Variants in NT5C1A observed in about 807,000 individuals in gnomAD.
The protein encoded by NT5C1A is cytosolic 5'-nucleotidase 1A.
Under a neutral mutation model 31.0 loss-of-function variants are expected in NT5C1A, and 18 were observed. That is an observed-to-expected ratio of 0.58 (90% CI 0.40 to 0.86). The LOEUF is 0.86. Ranked by LOEUF, NT5C1A falls within the 40% of genes least tolerant of loss-of-function variation. The pLI is 0.00. For synonymous variants in NT5C1A, 185 were observed against 203.6 expected (o/e 0.91, Z 0.78); for missense variants, 470 against 505.4 (o/e 0.93, Z 0.67).
At chr1:39,668,748 C>A (rs1358543166) in intron 1 of NT5C1A, among the ~76,000 whole-genome samples, 1 of 152,214 alleles carries the variant, frequency 6.6e-6, no homozygotes, top group Non-Finnish European at 1.5e-5. Context: ...TCAGGGCGTG[C>A]CCACAAACTG....
rs761662730 is a variant in NT5C1A, at chr1:39,659,266, A to ATCTTC, written c.957_961dup (p.Ile321ArgfsTer52). 15 of 1,614,032 alleles carry ATCTTC rather than the reference A, an allele frequency of 9.3e-6. No individual in the cohort carries two copies. The highest frequency in any genetic ancestry group is 1.0e-5 in the Non-Finnish European group (12 of 1,180,054). ...GTCATCAAAGAAGATGTGTGGGCGG[A>ATCTTC]TCTTCTCAAGGAGAGGGCCCTTGGG... On this transcript the variant is annotated frameshift_variant, in exon 6 of 6. Transcript: ENST00000235628. LOFTEE classifies it high-confidence loss of function.
intron 1 of NT5C1A, among the ~76,000 whole-genome samples, chr1:39,669,291 G>A (rs755847183): frequency 2.0e-5 from 3 of 151,890 alleles, no homozygotes; most frequent in Admixed American, 6.6e-5. Context: ...TTAGGCTAAC[G>A]TAATTCTGCC....
At position 39,663,426 on chromosome 1, in the gene NT5C1A, T is replaced by A; in HGVS notation, c.442A>T (p.Ile148Phe). The stretch of plus-strand genomic sequence containing the variant: ...CCACCTGTCATGCAGAACCTCTCGA[T>A]GAACAGGTCTGGGAAGGAGGTAAAG... ...INSINHYDLFIERFCMTGGNS... is the reference protein window; with the variant it reads ...INSINHYDLFFERFCMTGGNS... Residue 148 changes from isoleucine to phenylalanine, a missense_variant, in exon 4 of 6, where the codon ATC (isoleucine) becomes TTC (phenylalanine). Physicochemically the swap from Ile to Phe is conservative, Grantham distance 21 (BLOSUM62 0). Coordinates refer to ENST00000235628, the MANE Select transcript of NT5C1A (RefSeq NM_032526.3). 1 of 1,614,102 alleles carries A rather than the reference T, an allele frequency of 6.2e-7. No individual in the cohort carries two copies. Among genetic ancestry groups the A allele is most frequent in the Admixed American group, 1.7e-5 (1 of 60,012 alleles).
At chr1:39,660,689 G>T (rs933156124) in intron 5 of NT5C1A, among the ~76,000 whole-genome samples, 1 of 152,112 alleles carries the variant, frequency 6.6e-6, no homozygotes, top group African/African-American at 2.4e-5. Flanking sequence ...GAGAATGGGA[G>T]CTTCAGAGAG....
chr1:39,659,909 G>T (rs1390291909), intron 5 of NT5C1A, among the ~76,000 whole-genome samples: 1 of 152,206 alleles, frequency 6.6e-6, no homozygotes, highest in Non-Finnish European at 1.5e-5. Flanking sequence ...CAATGTGTAA[G>T]TGTTGAGTAT....
chr1:39,659,114 G>C lies in NT5C1A; in HGVS notation c.*7C>G, dbSNP rs1646476931. On this transcript the variant is annotated 3_prime_UTR_variant, in exon 6 of 6. Transcript: ENST00000235628. ...AGCAATGTGGATCAGTAAAGCCGGTGGTTCAGCTACTGTGCAGATGGGGCC... is the reference window on the plus strand; with the variant it reads ...AGCAATGTGGATCAGTAAAGCCGGTCGTTCAGCTACTGTGCAGATGGGGCC... The C allele has an allele frequency of 6.3e-7, 1 of 1,579,202 alleles. No homozygotes were observed. Among genetic ancestry groups the C allele is most frequent in the South Asian group, 1.2e-5 (1 of 86,872 alleles).
chr1:39,664,010 G>A (rs1187347749), intron 3 of NT5C1A, among the ~76,000 whole-genome samples: 1 of 152,148 alleles, frequency 6.6e-6, no homozygotes, highest in Non-Finnish European at 1.5e-5. Context: ...CAGTGTGTAT[G>A]TCACACAGGT....
intron 3 of NT5C1A, among the ~76,000 whole-genome samples, chr1:39,664,398 G>C (rs1442304481): frequency 6.9e-6 from 1 of 144,858 alleles, no homozygotes; most frequent in Non-Finnish European, 1.5e-5. Flanking sequence ...CCCCCGCCTC[G>C]GCCTCCCAAA....
chr1:39,667,535 G>A (rs1042377047), intron 1 of NT5C1A, among the ~76,000 whole-genome samples: 9 of 152,124 alleles, frequency 5.9e-5, no homozygotes, highest in Admixed American at 5.9e-4. Flanking sequence ...GCTCATAAAT[G>A]CACCTTGCAT....
chr1:39,668,299 G>A (rs1047435676), intron 1 of NT5C1A, among the ~76,000 whole-genome samples: 3 of 152,122 alleles, frequency 2.0e-5, no homozygotes, highest in Non-Finnish European at 4.4e-5. Flanking sequence ...TGCCCTCCCA[G>A]CCCCATTAGG....
intron 2 of NT5C1A, among the ~76,000 whole-genome samples, 189 bp downstream of exon 2, chr1:39,665,880 G>A (rs1646518982): frequency 6.6e-6 from 1 of 152,224 alleles, no homozygotes; most frequent in African/African-American, 2.4e-5. Context: ...ACCAGGCGTG[G>A]GGCTGCATTT....
At position 39,651,744 on chromosome 1, in the gene NT5C1A, C is replaced by T. The variant is rs1281648956; in HGVS notation, c.*7377G>A. 6.6e-6 allele frequency among the ~76,000 whole-genome samples: 1 copy of T among 151,968 alleles called. No individual in the cohort carries two copies. The highest frequency in any genetic ancestry group is 2.4e-5 in the African/African-American group (1 of 41,376). On this transcript the variant is annotated 3_prime_UTR_variant, in exon 6 of 6. Transcript: ENST00000235628. Reference sequence around the variant, plus strand: ...GCGCTATTACATTAATAAAGAAGTTCGTAGGCCGAGTGTGGTGGCTCACGC... The same window carrying T: ...GCGCTATTACATTAATAAAGAAGTTTGTAGGCCGAGTGTGGTGGCTCACGC...
At chr1:39,668,879 G>T (rs1646536556) in intron 1 of NT5C1A, among the ~76,000 whole-genome samples, 2 of 152,202 alleles carry the variant, frequency 1.3e-5, no homozygotes, top group Admixed American at 1.3e-4. Context: ...GATCCCAGAG[G>T]CCATGGCTGT....
intron 2 of NT5C1A, 72 bp downstream of exon 2, chr1:39,665,997 T>C (rs948555864): frequency 1.3e-5 from 19 of 1,424,484 alleles, no homozygotes; most frequent in African/African-American, 4.2e-5. Context: ...CTTACTCAAA[T>C]ACTCATGGGA....
chr1:39,663,836 C>T (rs1394520479), intron 3 of NT5C1A, among the ~76,000 whole-genome samples: 2 of 152,190 alleles, frequency 1.3e-5, no homozygotes, highest in African/African-American at 4.8e-5. Context: ...GGTTGATAAA[C>T]GGCTGCTGCT....
chr1:39,666,508 C>A (rs1256646876), intron 1 of NT5C1A, among the ~76,000 whole-genome samples: 1 of 152,170 alleles, frequency 6.6e-6, no homozygotes, highest in Admixed American at 6.5e-5. Context: ...TCTAGCCAGG[C>A]ATCTGGACAC....
rs1010610345 is a variant in NT5C1A, at chr1:39,654,764, AG to A, written c.*4356del. Among the ~76,000 whole-genome samples the A allele has an allele frequency of 3.3e-5, 5 of 152,258 alleles. No individual in the cohort carries two copies. Among genetic ancestry groups the A allele is most frequent in the Non-Finnish European group, 5.9e-5 (4 of 68,038 alleles). On this transcript the variant is annotated 3_prime_UTR_variant, in exon 6 of 6. Coordinates refer to ENST00000235628, the MANE Select transcript of NT5C1A (RefSeq NM_032526.3). ...ACCTGGCTCATCCCACTGAGGCATC[AG>A]CCAGGCTGTCTGCCTTGGCCCAGGG...
At chr1:39,670,353 G>A (rs943755795) in intron 1 of NT5C1A, among the ~76,000 whole-genome samples, 34 of 152,196 alleles carry the variant, frequency 2.2e-4, no homozygotes, top group African/African-American at 8.2e-4. Context: ...ACAATCTCAA[G>A]ACGCTCTTTG....
rs767582898 is a variant in NT5C1A, at chr1:39,661,258, C to T, written c.562G>A (p.Ala188Thr). The T allele has an allele frequency of 1.8e-5, 28 of 1,563,100 alleles. No individual in the cohort carries two copies. Among genetic ancestry groups the T allele is most frequent in the Admixed American group, 3.4e-5 (2 of 59,498 alleles). The change falls in exon 5 of 6, where the codon GCA (alanine) becomes ACA (threonine). Residue 188 changes from alanine to threonine, a missense_variant. Physicochemically the swap from Ala to Thr is moderately conservative, Grantham distance 58. Coordinates refer to ENST00000235628, the MANE Select transcript of NT5C1A (RefSeq NM_032526.3). ...CTGGGGCTGAAGATGGTGGCAGCTG[C>T]GATCCCTAGGCAGAGAGAGGCAAGC... ...KVREAIDEGIAAATIFSPSRD... is the reference protein window; with the variant it reads ...KVREAIDEGITAATIFSPSRD...
Sources: gnomAD v4.1 joint callset for allele counts (sites outside exome capture counted in the v4.1 genomes callset) on GRCh38, gnomAD v4.1.1 for gene constraint, MANE v1.5 for transcripts, NCBI Gene and HGNC (gene_info 2026-07-23, HGNC 2026-07-21) for gene names.